TBX19: variants seen among roughly 807,000 people sequenced by gnomAD.
TBX19 encodes T-box transcription factor TBX19.
TBX19 carries 33 observed loss-of-function variants against 40.9 expected under a neutral mutation model. The ratio of observed to expected loss-of-function variants is 0.81; its 90% CI spans 0.61 to 1.08. The LOEUF (loss-of-function observed/expected upper bound fraction) is 1.08, where lower values mean the gene tolerates loss of function less well. Among genes scored for constraint, TBX19 ranks in the 50% least tolerant of loss-of-function variants. The pLI is 0.00. For missense variants in TBX19, 494 were observed against 574.0 expected, an observed-to-expected ratio of 0.86 and a Z score of 1.42; for synonymous variants, 220 against 225.0, an observed-to-expected ratio of 0.98 and a Z score of 0.20.
chr1:168,284,292 G>A (rs542536017), intron 1 of TBX19, among the ~76,000 whole-genome samples: 240 of 152,248 alleles, frequency 1.6e-3, no homozygotes, highest in Non-Finnish European at 3.0e-3. Context: ...AGTGTATCCA[G>A]CCAGTATTCC....
intron 1 of TBX19, among the ~76,000 whole-genome samples, chr1:168,287,638 T>C (rs924152480): frequency 6.6e-6 from 1 of 152,210 alleles, no homozygotes; most frequent in Non-Finnish European, 1.5e-5. Flanking sequence ...AAAGATTTAT[T>C]GACATGTTTG....
rs1455644571 is a variant in TBX19 at position 168,313,837 on chromosome 1, G to A, written c.*835G>A. On this transcript the variant is annotated 3_prime_UTR_variant, in exon 8 of 8. Transcript: ENST00000367821. ...CTTAGAGGAGGATCGCTTGATCTCA[G>A]GAGGTTGAGGCTGCAGTGAATTATG... is the stretch of plus-strand genomic sequence containing the variant. The A allele has an allele frequency of 6.6e-6, 1 of 152,190 alleles. No homozygotes were observed. 9.4% of individuals were successfully genotyped at this position (152,190 alleles called of 1,614,324 possible).
intron 1 of TBX19, among the ~76,000 whole-genome samples, chr1:168,285,023 G>A (rs953606530): frequency 6.6e-6 from 1 of 152,060 alleles, no homozygotes; most frequent in South Asian, 2.1e-4. Flanking sequence ...AAGTAAAGTT[G>A]CACATCAGGC....
At position 168,281,193 on chromosome 1, in the gene TBX19, G is replaced by A. The variant is rs772489505; in HGVS notation, c.103G>A (p.Asp35Asn). 3.1e-6 allele frequency: 5 copies of A among 1,614,130 alleles called. No homozygotes were observed. The South Asian group carries it at 5.5e-5, about 18-fold the overall frequency. ...GCTTCAGGCAGGGAGGGAAAAAGGC[G>A]ACCCTACGGAGAAGCAACTTCAGAT... Reference protein sequence around the residue: ...SELQAGREKGDPTEKQLQIIL... With the variant: ...SELQAGREKGNPTEKQLQIIL... The change falls in exon 1 of 8, where the codon GAC becomes AAC. Residue 35 changes from aspartate to asparagine, a missense_variant. Physicochemically the swap from Asp to Asn is conservative, Grantham distance 23. Coordinates refer to ENST00000367821, the MANE Select transcript of TBX19 (RefSeq NM_005149.3).
chr1:168,291,936 G>C (rs561170874), intron 2 of TBX19, among the ~76,000 whole-genome samples: 70 of 152,194 alleles, frequency 4.6e-4, no homozygotes, highest in African/African-American at 1.6e-3. Flanking sequence ...CCTTAAACAA[G>C]GAAGGTTTTA....
chr1:168,300,470 G>A lies in TBX19; in HGVS notation c.714G>A (p.Val238=). ...VPEAISESQH[V]TYSHLGGWIF... is the part of the protein sequence containing the mutation. ...AGGCTATCTCTGAGAGCCAGCATGT[G>A]ACCTATTCTCACTGTGAGTTGGGTG... The change falls in exon 5 of 8, where the codon GTG becomes GTA. Residue 238 remains valine, a synonymous_variant. Coordinates refer to ENST00000367821, the MANE Select transcript of TBX19 (RefSeq NM_005149.3). The A allele has an allele frequency of 6.2e-7, 1 of 1,614,138 alleles. No individual in the cohort carries two copies. The highest frequency in any genetic ancestry group is 8.5e-7 in the Non-Finnish European group (1 of 1,180,022).
intron 3 of TBX19, among the ~76,000 whole-genome samples, chr1:168,296,571 A>G (rs1204307738): frequency 6.6e-6 from 1 of 152,102 alleles, no homozygotes; most frequent in African/African-American, 2.4e-5. Context: ...TGATTCAGTT[A>G]TCTCCCACCG....
rs896076867 is a variant in TBX19 at position 168,308,777 on chromosome 1, G to A, written c.952G>A (p.Val318Ile). 2 of 1,613,974 alleles carry A rather than the reference G, an allele frequency of 1.2e-6. No homozygotes were observed. Among genetic ancestry groups the A allele is most frequent in the African/African-American group, 2.7e-5 (2 of 74,868 alleles). The change falls in exon 7 of 8, where the codon GTT becomes ATT. Residue 318 changes from valine to isoleucine, a missense_variant. Val to Ile is a conservative substitution (Grantham distance 29). Transcript: ENST00000367821. ...AGAAAGCTCAAGCAATAATCTGCAAGTTTTCTCGGGACCTGACAGCTGGAC... is the reference window on the plus strand; with the variant it reads ...AGAAAGCTCAAGCAATAATCTGCAAATTTTCTCGGGACCTGACAGCTGGAC... ...LIESSSNNLQ[V>I]FSGPDSWTSL... is the part of the protein sequence containing the mutation.
chr1:168,283,815 T>C (rs1558188491), intron 1 of TBX19, among the ~76,000 whole-genome samples: 2 of 152,232 alleles, frequency 1.3e-5, no homozygotes, highest in Non-Finnish European at 2.9e-5. Flanking sequence ...CACCTTGACT[T>C]TTTAAAAAAG....
chr1:168,291,514 A>T, intron 2 of TBX19, 90 bp downstream of exon 2: 3 of 1,578,670 alleles, frequency 1.9e-6, no homozygotes, highest in Non-Finnish European at 2.6e-6. Flanking sequence ...AGGCAATTAG[A>T]GGTGTCCTCA....
At chr1:168,308,681 T>A in intron 6 of TBX19, 61 bp from the exon 7 acceptor site, 1 of 1,610,724 alleles carries the variant, frequency 6.2e-7, no homozygotes, top group Non-Finnish European at 8.5e-7. Context: ...ATAATGTCAC[T>A]GGTCACCATC....
In TBX19 at chr1:168,308,854, C is replaced by T. The variant is rs141608452; in HGVS notation, c.1029C>T (p.Asn343=). The T allele has an allele frequency of 6.4e-5, 103 of 1,613,996 alleles. No homozygotes were observed. Among genetic ancestry groups the T allele is most frequent in the South Asian group, 5.6e-4 (51 of 91,064 alleles). ...HASILSVPHT[N]GPINPGPSPY... ...GCATCCTGTCTGTACCCCACACCAACGGACCAATCAATCCAGGGCCCAGGT... is the reference window on the plus strand; with the variant it reads ...GCATCCTGTCTGTACCCCACACCAATGGACCAATCAATCCAGGGCCCAGGT... Residue 343 remains asparagine, a synonymous_variant, in exon 7 of 8, where the codon AAC becomes AAT. Transcript: ENST00000367821.
Position 168,281,309 on chromosome 1 carries a change from G to T in TBX19, c.203+16G>T. The T allele has an allele frequency of 6.2e-7, 1 of 1,611,672 alleles. No homozygotes were observed. On this transcript the variant is annotated intron_variant, in intron 1 of 7. Coordinates refer to ENST00000367821, the MANE Select transcript of TBX19 (RefSeq NM_005149.3). ...AGAATGGCAGGTGAGTTTATCTGCCGCCCCGCGTGGGCTGGCAGGGCTTGG... is the reference window on the plus strand; with the variant it reads ...AGAATGGCAGGTGAGTTTATCTGCCTCCCCGCGTGGGCTGGCAGGGCTTGG...
Position 168,300,409 on chromosome 1 carries a change from T to C in TBX19, c.666-13T>C. On this transcript the variant is annotated splice_polypyrimidine_tract_variant and intron_variant, in intron 4 of 7. Transcript: ENST00000367821. ...AGTTGGACAGCCATGGTGCATTTTCTTTACTCTTTCAGAAATCACCTAAGA... is the reference window on the plus strand; with the variant it reads ...AGTTGGACAGCCATGGTGCATTTTCCTTACTCTTTCAGAAATCACCTAAGA... 1 of 1,613,968 alleles carries C rather than the reference T, an allele frequency of 6.2e-7. No homozygotes were observed. Among genetic ancestry groups the C allele is most frequent in the Non-Finnish European group, 8.5e-7 (1 of 1,179,930 alleles).
In TBX19 at chr1:168,300,450, A is replaced by C; in HGVS notation, c.694A>C (p.Ile232Leu). The change falls in exon 5 of 8, where the codon ATC becomes CTC. Residue 232 changes from isoleucine to leucine, a missense_variant. Ile to Leu is a conservative substitution (Grantham distance 5). Transcript: ENST00000367821. Reference sequence around the variant, plus strand: ...TCACCTAAGAGACGTACCGGAGGCTATCTCTGAGAGCCAGCATGTGACCTA... The same window carrying C: ...TCACCTAAGAGACGTACCGGAGGCTCTCTCTGAGAGCCAGCATGTGACCTA... ...RNHLRDVPEAISESQHVTYSH... is the reference protein window; with the variant it reads ...RNHLRDVPEALSESQHVTYSH... 6.2e-7 allele frequency: 1 copy of C among 1,614,164 alleles called. No individual in the cohort carries two copies. The highest frequency in any genetic ancestry group is 1.3e-5 in the African/African-American group (1 of 75,034).
intron 5 of TBX19, 145 bp downstream of exon 5, chr1:168,300,628 T>C (rs1649255206): frequency 2.5e-6 from 2 of 788,414 alleles, no homozygotes; most frequent in South Asian, 3.2e-5. Flanking sequence ...TAAGGACAAA[T>C]TTGTGCCCTT....
At chr1:168,285,360 A>G (rs994021905) in intron 1 of TBX19, among the ~76,000 whole-genome samples, 1 of 151,972 alleles carries the variant, frequency 6.6e-6, no homozygotes, top group Admixed American at 6.6e-5. Flanking sequence ...GAGATGGAGG[A>G]AAGTGTTTAC....
chr1:168,294,614 G>A (rs1471925474), intron 3 of TBX19, among the ~76,000 whole-genome samples: 6 of 151,974 alleles, frequency 3.9e-5, no homozygotes, highest in African/African-American at 1.5e-4. Context: ...TGATTCTCCT[G>A]CCTCAGCCTC....
At chr1:168,283,907 T>C (rs1304958655) in intron 1 of TBX19, among the ~76,000 whole-genome samples, 2 of 152,218 alleles carry the variant, frequency 1.3e-5, no homozygotes, top group African/African-American at 2.4e-5. Context: ...TAGCGTAAGA[T>C]GGGCCGATGA....
Sources: allele counts gnomAD v4.1 joint callset (sites outside exome capture counted in the v4.1 genomes callset), GRCh38; gene constraint gnomAD v4.1.1; transcripts MANE v1.5; gene names NCBI Gene and HGNC (gene_info 2026-07-23, HGNC 2026-07-21).